NLRC3: variants seen among roughly 807,000 people sequenced by gnomAD.
NLRC3 encodes NLR family CARD domain-containing protein 3.
A neutral mutation model predicts 91.6 loss-of-function variants in NLRC3; 87 were observed. The observed-to-expected ratio is 0.95, with a 90% CI of 0.80 to 1.14. NLRC3 has a LOEUF of 1.14. NLRC3 is among the 50% of genes most tolerant of loss of function. The pLI is 0.00. For missense variants in NLRC3, 1,577 were observed against 1,418.6 expected, an observed-to-expected ratio of 1.11 and a Z score of -1.79; for synonymous variants, 694 against 625.3, an observed-to-expected ratio of 1.11 and a Z score of -1.64.
At position 3,542,213 on chromosome 16, in the gene NLRC3, T is replaced by C; in HGVS notation, c.3085A>G (p.Asn1029Asp). The C allele has an allele frequency of 6.3e-7, 1 of 1,590,538 alleles. No individual in the cohort carries two copies. Among genetic ancestry groups the C allele is most frequent in the Non-Finnish European group, 8.6e-7 (1 of 1,167,926 alleles). Residue 1029 changes from asparagine (N) to aspartate (D), a missense_variant, in exon 19 of 20, where the codon AAC (asparagine) becomes GAC (aspartate). By Grantham distance (23) the Asn-to-Asp change is conservative. Transcript: ENST00000359128. ...CACTTGATATGCTGGAGCCTGTGGT[T>C]TCCAGACAGTGCTGTGGCAATGCAT... ...AICIATALSGNHRLQHINLQG... is the reference protein window; with the variant it reads ...AICIATALSGDHRLQHINLQG...
intron 18 of NLRC3, 78 bp downstream of exon 18, chr16:3,542,614 G>T: frequency 1.2e-6 from 1 of 800,198 alleles, no homozygotes; most frequent in Non-Finnish European, 2.1e-6. Context: ...GAAATCAGGA[G>T]CATTTTATTC....
At chr16:3,558,582 CCACACACA>C (rs3067979) in intron 6 of NLRC3, among the ~76,000 whole-genome samples, 4 of 147,714 alleles carry the variant, frequency 2.7e-5, no homozygotes, top group Admixed American at 1.4e-4. Context: ...TAAAAAAAAA[CCACACACA>C]CACACACACA....
At chr16:3,542,067 G>C (rs2038429928) in intron 19 of NLRC3, 124 bp downstream of exon 19, 1 of 833,194 alleles carries the variant, frequency 1.2e-6, no homozygotes, top group Admixed American at 2.1e-5. Flanking sequence ...CCTCCCCTTA[G>C]ACCAGGTTTC....
chr16:3,560,697 G>A (rs2039568411), intron 6 of NLRC3, among the ~76,000 whole-genome samples: 1 of 152,054 alleles, frequency 6.6e-6, no homozygotes, highest in South Asian at 2.1e-4. Flanking sequence ...AGACTGGAGT[G>A]CAGTGGCGCT....
At chr16:3,552,696 C>T (rs2039078570) in intron 9 of NLRC3, among the ~76,000 whole-genome samples, 1 of 152,152 alleles carries the variant, frequency 6.6e-6, no homozygotes, top group African/African-American at 2.4e-5. Flanking sequence ...GATCCCAGCA[C>T]CTTGGGAGGC....
At chr16:3,562,362 C>T (rs2039650591) in intron 5 of NLRC3, among the ~76,000 whole-genome samples, 1 of 152,092 alleles carries the variant, frequency 6.6e-6, no homozygotes, top group African/African-American at 2.4e-5. Flanking sequence ...AAGCACTGGC[C>T]AGGTGCAGTG....
intron 6 of NLRC3, among the ~76,000 whole-genome samples, chr16:3,561,296 G>A (rs1246936441): frequency 6.6e-6 from 1 of 152,062 alleles, no homozygotes; most frequent in Admixed American, 6.5e-5. Context: ...ACAATGAGCC[G>A]AGATCATGCC....
Position 3,564,930 on chromosome 16 carries a change from C to G in NLRC3, c.107G>C (p.Gly36Ala). ...KALMDLLAGK[G>A]SQGSQAPQAL... is the part of the protein sequence containing the mutation. ...CTGCGGGGCCTGGGAGCCTTGACTG[C>G]CCTTCCCAGCCAGCAGATCCATGAG... Residue 36 changes from glycine to alanine, a missense_variant, in exon 4 of 20, where the codon GGC becomes GCC. Coordinates refer to ENST00000359128, the MANE Select transcript of NLRC3 (RefSeq NM_178844.4). This position sits in a 1 kb window ranked among gnomAD's most constrained non-coding sequence, Gnocchi z 5.9. 1 of 1,610,478 alleles carries G rather than the reference C, an allele frequency of 6.2e-7. No individual in the cohort carries two copies. Among genetic ancestry groups the G allele is most frequent in the Non-Finnish European group, 8.5e-7 (1 of 1,179,690 alleles).
chr16:3,547,626 A>G (rs193117643), intron 15 of NLRC3, among the ~76,000 whole-genome samples: 199 of 152,118 alleles, frequency 1.3e-3, no homozygotes, highest in African/African-American at 4.5e-3. Flanking sequence ...ATATGTGTAT[A>G]TATGTGTGTG....
At position 3,561,592 on chromosome 16, in the gene NLRC3, A is replaced by G. The variant is rs569564575; in HGVS notation, c.2015+110T>C. On this transcript the variant is annotated intron_variant, in intron 6 of 19. Transcript: ENST00000359128. ...GCATCTGGAGCCACATGCTCCAAAG[A>G]CACTTCTCCGTGGCAGCGCCGCTGG... 16 of 717,432 alleles carry G rather than the reference A, an allele frequency of 2.2e-5. No individual in the cohort carries two copies. In the East Asian group the frequency reaches 3.2e-4, roughly 14 times the overall value. 44.4% of individuals were successfully genotyped at this position (717,432 alleles called of 1,614,324 possible). A position where few individuals can be genotyped will look rare whatever the true frequency, so the allele number is the denominator to read the frequency against.
intron 6 of NLRC3, among the ~76,000 whole-genome samples, chr16:3,560,666 C>T (rs896977596): frequency 1.7e-4 from 26 of 152,036 alleles, no homozygotes; most frequent in East Asian, 5.8e-4. Context: ...TTTTTTGAGA[C>T]GGAGTCTCAC....
At position 3,564,994 on chromosome 16, in the gene NLRC3, C is replaced by T. The variant is rs990703251; in HGVS notation, c.43G>A (p.Gly15Ser). ...TCGGCTGGGGAGCCCGTACCGTGGC[C>T]CTGGCCGGCCTCCCTGCCCGTCCGC... ...EVRTGREAGQ[G>S]HGTGSPAEQV... The change falls in exon 4 of 20, where the codon GGC (glycine) becomes AGC (serine). Residue 15 changes from glycine (G) to serine (S), a missense_variant. Coordinates refer to ENST00000359128, the MANE Select transcript of NLRC3 (RefSeq NM_178844.4). The surrounding 1 kb of genome is among the most constrained non-coding windows in gnomAD (Gnocchi z 5.9). 1.2e-6 allele frequency: 2 copies of T among 1,610,508 alleles called. No homozygotes were observed. Among genetic ancestry groups the T allele is most frequent in the East Asian group, 2.2e-5 (1 of 44,868 alleles).
chr16:3,548,620 G>A (rs536425797), intron 14 of NLRC3, 50 bp downstream of exon 14: 11 of 1,348,486 alleles, frequency 8.2e-6, no homozygotes, highest in African/African-American at 4.3e-5. Flanking sequence ...GGTGGAGCCC[G>A]GCAGCTCTGC....
At position 3,568,343 on chromosome 16, in the gene NLRC3, C is replaced by A. The variant is rs559315580; in HGVS notation, c.-168-1019G>T. ...CTGAACTAACCTGGAACATTAGGAA[C>A]AGGCCAGGGCAAGGCCAGTCTCCTT... is the stretch of plus-strand genomic sequence containing the variant. On this transcript the variant is annotated intron_variant, in intron 1 of 19. Transcript: ENST00000359128. Among the ~76,000 whole-genome samples the A allele has an allele frequency of 7.2e-5, 11 of 152,318 alleles. No homozygotes were observed. The South Asian group carries it at 1.4e-3, about 20-fold the overall frequency.
intron 15 of NLRC3, 184 bp from the exon 16 acceptor site, chr16:3,544,513 A>G: frequency 1.7e-6 from 1 of 593,740 alleles, no homozygotes; most frequent in South Asian, 1.9e-5. Context: ...CTAAGCACAC[A>G]GAGGCGTCTG....
intron 1 of NLRC3, among the ~76,000 whole-genome samples, chr16:3,569,915 T>C (rs1289816359): frequency 3.3e-5 from 5 of 152,218 alleles, no homozygotes; most frequent in Non-Finnish European, 7.3e-5. Context: ...TCAAATACTA[T>C]TATGTAATAT....
In NLRC3 at chr16:3,563,403, C is replaced by G. The variant is rs777102900; in HGVS notation, c.1534G>C (p.Val512Leu). ...AMQAEDGRLDVFLRFLSGLLS... is the reference protein window; with the variant it reads ...AMQAEDGRLDLFLRFLSGLLS... ...AGGCCGGAGAGGAAGCGCAGGAACA[C>G]GTCCAGCCTCCCGTCCTCTGCCTGC... is the stretch of plus-strand genomic sequence containing the variant. The change falls in exon 5 of 20, where the codon GTG becomes CTG. Residue 512 changes from valine to leucine, a missense_variant. Transcript: ENST00000359128. 2 of 1,577,982 alleles carry G rather than the reference C, an allele frequency of 1.3e-6. No individual in the cohort carries two copies. Among genetic ancestry groups the G allele is most frequent in the African/African-American group, 1.3e-5 (1 of 74,268 alleles).
At position 3,552,256 on chromosome 16, in the gene NLRC3, G is replaced by A. The variant is rs1226559489; in HGVS notation, c.2291C>T (p.Pro764Leu). ...ATCTGCCATCCGCTGGGCTCCCATG[G>A]GCCCGATGCTGTTCTTCTGCAGGCT... ...MLHLQKNSIG[P>L]MGAQRMADAL... Residue 764 changes from proline to leucine, a missense_variant, in exon 10 of 20, where the codon CCC (proline) becomes CTC (leucine). Coordinates refer to ENST00000359128, the MANE Select transcript of NLRC3 (RefSeq NM_178844.4). The A allele has an allele frequency of 1.2e-6, 2 of 1,613,166 alleles. No individual in the cohort carries two copies. Among genetic ancestry groups the A allele is most frequent in the Admixed American group, 3.3e-5 (2 of 60,000 alleles).
chr16:3,547,165 T>A (rs2038733939), intron 15 of NLRC3, among the ~76,000 whole-genome samples: 1 of 152,158 alleles, frequency 6.6e-6, no homozygotes, highest in Non-Finnish European at 1.5e-5. Context: ...AGCTGATGAA[T>A]GGAGAAATGA....
Sources: gnomAD v4.1 joint callset for allele counts (sites outside exome capture counted in the v4.1 genomes callset) on GRCh38, gnomAD v4.1.1 for gene constraint, Gnocchi (gnomAD v3.1) non-coding constraint, MANE v1.5 for transcripts, NCBI Gene and HGNC (gene_info 2026-07-23, HGNC 2026-07-21) for gene names.